ELP4: variants seen among roughly 807,000 people sequenced by gnomAD.
ELP4 encodes elongator acetyltransferase complex subunit 4, also known as elongator complex protein 4.
In ELP4, 51 loss-of-function variants were observed where a neutral mutation model predicts 48.9. The ratio of observed to expected loss-of-function variants is 1.04; its 90% CI spans 0.83 to 1.32. The LOEUF (loss-of-function observed/expected upper bound fraction) is 1.32, where lower values mean the gene tolerates loss of function less well. Ranked by LOEUF, ELP4 falls within the 40% of genes most tolerant of loss-of-function variation. The pLI is 0.00. For missense variants in ELP4, 519 were observed against 514.6 expected, an observed-to-expected ratio of 1.01 and a Z score of -0.08; for synonymous variants, 210 against 189.2, an observed-to-expected ratio of 1.11 and a Z score of -0.90.
intron 5 of ELP4, among the ~76,000 whole-genome samples, chr11:31,607,960 A>T (rs950618110): frequency 6.6e-6 from 1 of 152,074 alleles, no homozygotes; most frequent in South Asian, 2.1e-4. Context: ...CAGTAAGTCA[A>T]TCAAGGCCTT....
chr11:31,556,727 T>C (rs965051316), intron 3 of ELP4, among the ~76,000 whole-genome samples: 1 of 151,938 alleles, frequency 6.6e-6, no homozygotes, highest in African/African-American at 2.4e-5. Flanking sequence ...ATTGTTGCAT[T>C]AACTTTCGAA....
chr11:31,783,293 A>G, intron 9 of ELP4, 100 bp from the exon 10 acceptor site: 1 of 1,054,226 alleles, frequency 9.5e-7, no homozygotes, highest in Admixed American at 2.3e-5. Context: ...ATGCTGATCA[A>G]CAGAGCATAA....
rs376505757 is a variant in ELP4 at position 31,632,150 on chromosome 11, A to C, written c.739-67A>C. 5.6e-5 allele frequency: 73 copies of C among 1,306,468 alleles called. No homozygotes were observed. The East Asian group carries it at 1.0e-3, about 18-fold the overall frequency. 80.9% of individuals were successfully genotyped at this position (1,306,468 alleles called of 1,614,324 possible). ...TGATGTTATAAAGATAAGAACTGAC[A>C]GATAAAAGTGGTATTCTATTGATTA... On this transcript the variant is annotated intron_variant, in intron 6 of 9. Transcript: ENST00000640961.
At chr11:31,699,576 T>C (rs912636375) in intron 9 of ELP4, among the ~76,000 whole-genome samples, 6 of 152,246 alleles carry the variant, frequency 3.9e-5, no homozygotes, top group East Asian at 1.9e-4. Context: ...TCAATTCAGA[T>C]GGAAGTTTTC....
At chr11:31,648,560 T>A (rs1945253981) in intron 8 of ELP4, 1 of 151,498 alleles carries the variant, frequency 6.6e-6, no homozygotes, top group South Asian at 2.1e-4. Flanking sequence ...ATATAGAATG[T>A]AGTGAATAAC....
chr11:31,553,764 A>ACACACACACACC (rs1491538602), intron 3 of ELP4, among the ~76,000 whole-genome samples: 4 of 141,964 alleles, frequency 2.8e-5, no homozygotes, highest in African/African-American at 1.0e-4. Flanking sequence ...ACACACACAC[A>ACACACACACACC]CCCTATTGGT....
At chr11:31,769,111 C>T (rs1189292288) in intron 9 of ELP4, among the ~76,000 whole-genome samples, 1 of 152,126 alleles carries the variant, frequency 6.6e-6, no homozygotes, top group South Asian at 2.1e-4. Flanking sequence ...ATTAAAAATT[C>T]TTTCTTCATA....
intron 3 of ELP4, among the ~76,000 whole-genome samples, chr11:31,586,170 G>A (rs968497176): frequency 2.6e-5 from 4 of 152,186 alleles, no homozygotes; most frequent in Admixed American, 6.5e-5. Context: ...TGATGGTCCC[G>A]ACTTCTGGGA....
At chr11:31,753,822 T>C (rs1012467316) in intron 9 of ELP4, among the ~76,000 whole-genome samples, 2 of 152,214 alleles carry the variant, frequency 1.3e-5, no homozygotes, top group African/African-American at 4.8e-5. Context: ...TTTATGTATA[T>C]ACATATATCT....
chr11:31,748,427 T>C (rs1340292277), intron 9 of ELP4, among the ~76,000 whole-genome samples: 1 of 152,004 alleles, frequency 6.6e-6, no homozygotes, highest in Non-Finnish European at 1.5e-5. Context: ...GTATTTTTAG[T>C]AGAGACGGGG....
At chr11:31,746,411 T>A (rs1018829688) in intron 9 of ELP4, among the ~76,000 whole-genome samples, 3 of 152,198 alleles carry the variant, frequency 2.0e-5, no homozygotes, top group African/African-American at 7.2e-5. Flanking sequence ...GGATTATAAA[T>A]CATGCTGCTA....
chr11:31,533,527 G>A (rs978307483), intron 2 of ELP4, among the ~76,000 whole-genome samples: 1 of 151,416 alleles, frequency 6.6e-6, no homozygotes, highest in Admixed American at 6.6e-5. Context: ...ACATGCGCCG[G>A]CCATCAAGCC....
rs1443873386 is a variant in ELP4, at chr11:31,565,014, G to T, written c.381+25231G>T. 7.2e-5 allele frequency among the ~76,000 whole-genome samples: 11 copies of T among 152,080 alleles called. No individual in the cohort carries two copies. The East Asian group carries it at 1.2e-3, about 16-fold the overall frequency. On this transcript the variant is annotated intron_variant, in intron 3 of 9. Coordinates refer to ENST00000640961, the MANE Select transcript of ELP4 (RefSeq NM_019040.5). The stretch of plus-strand genomic sequence containing the variant: ...ACCAACAGTATAAAAGTGTTCCTAT[G>T]TCTCCACATCCTCTCCAGCACCTGT...
chr11:31,714,743 T>C (rs1045319057), intron 9 of ELP4: 4 of 398,554 alleles, frequency 1.0e-5, no homozygotes, highest in African/African-American at 8.2e-5. Flanking sequence ...CCTTGGCTCA[T>C]GGCTTCTTCC....
chr11:31,645,103 T>G (rs978021052), intron 7 of ELP4, among the ~76,000 whole-genome samples: 2 of 151,724 alleles, frequency 1.3e-5, no homozygotes, highest in Admixed American at 6.6e-5. Flanking sequence ...TGATGAAAAA[T>G]TATTCTTGTA....
At chr11:31,600,021 T>C (rs1453650870) in intron 4 of ELP4, 2 of 152,150 alleles carry the variant, frequency 1.3e-5, no homozygotes, top group African/African-American at 4.8e-5. Context: ...AGTTCAAAAG[T>C]AGGTGTATTG....
At chr11:31,590,316 A>G (rs1409572421) in intron 3 of ELP4, among the ~76,000 whole-genome samples, 1 of 152,158 alleles carries the variant, frequency 6.6e-6, no homozygotes. Flanking sequence ...CTAGACCAGG[A>G]CTTTGCATAT....
At chr11:31,548,152 G>C (rs1361925034) in intron 3 of ELP4, among the ~76,000 whole-genome samples, 2 of 152,174 alleles carry the variant, frequency 1.3e-5, no homozygotes, top group Non-Finnish European at 2.9e-5. Flanking sequence ...TTAGGCAGGA[G>C]AAGGAAATAA....
chr11:31,612,462 T>A (rs753432456), intron 5 of ELP4, among the ~76,000 whole-genome samples: 2 of 152,176 alleles, frequency 1.3e-5, no homozygotes, highest in Non-Finnish European at 2.9e-5. Flanking sequence ...TTCTTGCTTC[T>A]GTGCTAAGAT....
Sources: allele counts gnomAD v4.1 joint callset (sites outside exome capture counted in the v4.1 genomes callset), GRCh38; gene constraint gnomAD v4.1.1; transcripts MANE v1.5; gene names NCBI Gene and HGNC (gene_info 2026-07-23, HGNC 2026-07-21).